MYLK: variants seen among roughly 807,000 people sequenced by gnomAD.
MYLK encodes myosin light chain kinase, smooth muscle.
Under a neutral mutation model 203.4 loss-of-function variants are expected in MYLK, and 106 were observed. That is an observed-to-expected ratio of 0.52 (90% CI 0.45 to 0.61). MYLK has a LOEUF of 0.61. MYLK is among the 20% of genes least tolerant of loss of function. The pLI is 0.00. For missense variants in MYLK, 2,072 were observed against 2,442.3 expected, an observed-to-expected ratio of 0.85 and a Z score of 3.20; for synonymous variants, 867 against 959.5, an observed-to-expected ratio of 0.90 and a Z score of 1.78.
intron 3 of MYLK, among the ~76,000 whole-genome samples, chr3:123,810,721 G>A (rs746687850): frequency 9.9e-5 from 15 of 152,168 alleles, no homozygotes; most frequent in Non-Finnish European, 1.8e-4. Context: ...AGGACTGGCC[G>A]GGAGTCCAGT....
intron 13 of MYLK, among the ~76,000 whole-genome samples, chr3:123,712,204 G>A (rs1162597875): frequency 6.6e-6 from 1 of 152,214 alleles, no homozygotes; most frequent in African/African-American, 2.4e-5. Context: ...GAGTGGGCTT[G>A]GGGGCACAGG....
At chr3:123,874,964 T>G (rs1232258480) in intron 2 of MYLK, among the ~76,000 whole-genome samples, 1 of 152,132 alleles carries the variant, frequency 6.6e-6, no homozygotes, top group East Asian at 1.9e-4. Flanking sequence ...TGTCTAAAAT[T>G]TTTAAAATCT....
In MYLK at chr3:123,722,335, G is replaced by A. The variant is rs2290544; in HGVS notation, c.1652-55C>T. 5.0e-5 allele frequency: 76 copies of A among 1,520,418 alleles called. No homozygotes were observed. The East Asian group carries it at 1.9e-3, about 37-fold the overall frequency. The allele number at this position is 1,520,418 out of a possible 1,614,324, so 94.2% of individuals were successfully genotyped here. A position where few individuals can be genotyped will look rare whatever the true frequency, so the allele number is the denominator to read the frequency against. On this transcript the variant is annotated intron_variant, in intron 12 of 33. Coordinates refer to ENST00000360304, the MANE Select transcript of MYLK (RefSeq NM_053025.4). ...CAGGCAGCACTGGCAGTAGGGACGGGAGCCCTGTCCTCAGCAGGGCTGCTG... is the reference window on the plus strand; with the variant it reads ...CAGGCAGCACTGGCAGTAGGGACGGAAGCCCTGTCCTCAGCAGGGCTGCTG...
Position 123,850,409 on chromosome 3 carries a change from T to C in MYLK, c.-126-18739A>G, listed in dbSNP as rs185736607. Among the ~76,000 whole-genome samples, 460 of 152,334 alleles carry C rather than the reference T, an allele frequency of 3.0e-3. 2 individuals carry two copies. The highest frequency in any genetic ancestry group is 0.01 in the African/African-American group (423 of 41,582). On this transcript the variant is annotated intron_variant, in intron 2 of 33. Coordinates refer to ENST00000360304, the MANE Select transcript of MYLK (RefSeq NM_053025.4). ...TCCACATCCTCTCTAGCACCTGTTGTTTCTTGACTTTTTAATGATCGCCAT... is the reference window on the plus strand; with the variant it reads ...TCCACATCCTCTCTAGCACCTGTTGCTTCTTGACTTTTTAATGATCGCCAT...
intron 17 of MYLK, 123 bp downstream of exon 17, chr3:123,701,315 G>T: frequency 9.6e-7 from 1 of 1,036,966 alleles, no homozygotes; most frequent in Non-Finnish European, 1.5e-6. Context: ...TCTCCCTTCT[G>T]GCTTTGGCAG....
intron 24 of MYLK, among the ~76,000 whole-genome samples, chr3:123,654,629 T>C (rs2108253309): frequency 6.6e-6 from 1 of 152,110 alleles, no homozygotes; most frequent in South Asian, 2.1e-4. Flanking sequence ...CTCTACATTC[T>C]CCTGTCTCCA....
intron 33 of MYLK, among the ~76,000 whole-genome samples, chr3:123,615,474 C>T (rs1281802043): frequency 2.0e-5 from 3 of 151,704 alleles, no homozygotes; most frequent in Non-Finnish European, 4.4e-5. Context: ...GCTGGGATTA[C>T]AGGTGCACGC....
At chr3:123,867,655 ACT>A (rs1199968792) in intron 2 of MYLK, among the ~76,000 whole-genome samples, 4 of 151,906 alleles carry the variant, frequency 2.6e-5, no homozygotes, top group Non-Finnish European at 5.9e-5. Flanking sequence ...GGAAAGCTTG[ACT>A]CTGTTTGAAC....
At chr3:123,658,760 A>G (rs1053175537) in intron 23 of MYLK, among the ~76,000 whole-genome samples, 5 of 152,238 alleles carry the variant, frequency 3.3e-5, no homozygotes, top group African/African-American at 9.6e-5. Flanking sequence ...GCCAAAGGCA[A>G]TGGCTGCAAA....
chr3:123,758,906 C>A (rs1276841236), intron 4 of MYLK, among the ~76,000 whole-genome samples: 10 of 152,204 alleles, frequency 6.6e-5, no homozygotes, highest in African/African-American at 2.2e-4. Context: ...CATTTTGCAG[C>A]CTCGAACTCC....
chr3:123,684,883 A>G (rs921822017), intron 19 of MYLK, among the ~76,000 whole-genome samples: 7 of 152,072 alleles, frequency 4.6e-5, no homozygotes, highest in Admixed American at 6.5e-5. Flanking sequence ...GCAGTTCTGC[A>G]CTCCTTGGCT....
Position 123,738,927 on chromosome 3 carries a change from G to C in MYLK, c.558C>G (p.Gly186=). The part of the protein sequence containing the change: ...QMGRFSCKIT[G]RPQPQVTWLK... ...GCCAGGTGACCTGCGGTTGGGGCCG[G>C]CCAGTGATCTTGCAGGAGAATCGTC... is the stretch of plus-strand genomic sequence containing the variant. The change falls in exon 7 of 34, where the codon GGC becomes GGG. Residue 186 remains glycine, a synonymous_variant. Transcript: ENST00000360304. 6.2e-7 allele frequency: 1 copy of C among 1,612,378 alleles called. No homozygotes were observed. Among genetic ancestry groups the C allele is most frequent in the Non-Finnish European group, 8.5e-7 (1 of 1,179,224 alleles).
chr3:123,635,824 C>G (rs753585453), intron 29 of MYLK, among the ~76,000 whole-genome samples: 9 of 152,160 alleles, frequency 5.9e-5, no homozygotes, highest in Non-Finnish European at 1.3e-4. Context: ...AATGGCCAAA[C>G]TGGAACCCAC....
In MYLK at chr3:123,618,483, T is replaced by C. The variant is rs1441090034; in HGVS notation, c.5500+156A>G. On this transcript the variant is annotated intron_variant, in intron 33 of 33. Coordinates refer to ENST00000360304, the MANE Select transcript of MYLK (RefSeq NM_053025.4). The stretch of plus-strand genomic sequence containing the variant: ...TGGGAGTGCAGGGCATAGCCCTTTA[T>C]GAGCAGCTCCTGCTGACCCAGTTTC... 6.4e-6 allele frequency: 6 copies of C among 937,484 alleles called. No individual in the cohort carries two copies. The African/African-American group carries it at 8.1e-5, about 13-fold the overall frequency. 58.1% of individuals were successfully genotyped at this position (937,484 alleles called of 1,614,324 possible). A position where few individuals can be genotyped will look rare whatever the true frequency, so the allele number is the denominator to read the frequency against.
At position 123,739,939 on chromosome 3, in the gene MYLK, C is replaced by T. The variant is rs146112057; in HGVS notation, c.422+14G>A. The stretch of plus-strand genomic sequence containing the variant: ...AATCCAACCCTTACTCTGTCTTGAA[C>T]ATCCAGGACTTACCCTAAGGTTTTG... On this transcript the variant is annotated intron_variant, in intron 6 of 33. Transcript: ENST00000360304. The T allele has an allele frequency of 4.3e-6, 7 of 1,613,818 alleles. No individual in the cohort carries two copies. The highest frequency in any genetic ancestry group is 5.9e-6 in the Non-Finnish European group (7 of 1,179,730).
chr3:123,704,747 C>CAAAAAAAAAAAAAAA (rs5852352), intron 16 of MYLK, among the ~76,000 whole-genome samples: 8 of 87,730 alleles, frequency 9.1e-5, no homozygotes, highest in South Asian at 4.5e-4. Context: ...ACTAAAAATA[C>CAAAAAAAAAAAAAAA]AAAAAAAAAA....
chr3:123,758,140 G>A (rs1239119572), intron 4 of MYLK, among the ~76,000 whole-genome samples: 6 of 152,118 alleles, frequency 3.9e-5, no homozygotes. Flanking sequence ...GGTATGTTAT[G>A]AGGGTGAAGA....
intron 33 of MYLK, among the ~76,000 whole-genome samples, chr3:123,615,070 C>T (rs1260768002): frequency 6.6e-6 from 1 of 151,480 alleles, no homozygotes; most frequent in African/African-American, 2.4e-5. Flanking sequence ...TGACCTTGAC[C>T]TCCCAAAGTG....
rs1056978548 is a variant in MYLK at position 123,733,785 on chromosome 3, G to A, written c.1211C>T (p.Pro404Leu). 3 of 1,614,212 alleles carry A rather than the reference G, an allele frequency of 1.9e-6. No homozygotes were observed. The African/African-American group carries it at 4.0e-5, about 22-fold the overall frequency. The change falls in exon 10 of 34, where the codon CCC (proline) becomes CTC (leucine). Residue 404 changes from proline (P) to leucine (L), a missense_variant. Transcript: ENST00000360304. ...TGCTGAATCCCTCTGGCCCTCCATG[G>A]GGATTCTCCTGTTAGCAGCCTTGCT... ...VVSKAANRRIPMEGQRDSAFP... is the reference protein window; with the variant it reads ...VVSKAANRRILMEGQRDSAFP...
Sources: gnomAD v4.1 joint callset for allele counts (sites outside exome capture counted in the v4.1 genomes callset) on GRCh38, gnomAD v4.1.1 for gene constraint, MANE v1.5 for transcripts, NCBI Gene and HGNC (gene_info 2026-07-23, HGNC 2026-07-21) for gene names.